ATP13A2: variants seen among roughly 807,000 people sequenced by gnomAD.
The protein encoded by ATP13A2 is ATPase cation transporting 13A2, also known as polyamine-transporting ATPase 13A2.
A neutral mutation model predicts 138.3 loss-of-function variants in ATP13A2; 83 were observed. That is an observed-to-expected ratio of 0.60 (90% confidence interval 0.50 to 0.72). The LOEUF (loss-of-function observed/expected upper bound fraction) is 0.72. Among genes scored for constraint, ATP13A2 ranks in the 30% least tolerant of loss-of-function variants. ATP13A2 has a pLI of 0.00. For missense variants in ATP13A2, 1,402 were observed against 1,606.4 expected (o/e 0.87, Z 2.17); for synonymous variants, 663 against 699.0 (o/e 0.95, Z 0.81).
intron 25 of ATP13A2, among the ~76,000 whole-genome samples, 180 bp downstream of exon 25, chr1:16,987,958 T>C (rs1446254429): frequency 2.0e-5 from 3 of 152,112 alleles, no homozygotes; most frequent in African/African-American, 7.2e-5. Context: ...GCTCCGTGCC[T>C]GGTGTTTTTC....
Position 16,990,251 on chromosome 1 carries a change from C to G in ATP13A2, c.2288G>C (p.Gly763Ala), listed in dbSNP as rs750813148. The G allele has an allele frequency of 6.2e-7, 1 of 1,614,050 alleles. No homozygotes were observed. The highest frequency in any genetic ancestry group is 1.1e-5 in the South Asian group (1 of 91,084). The change falls in exon 21 of 29, where the codon GGC becomes GCC. Residue 763 changes from glycine (G) to alanine (A), a missense_variant. Transcript: ENST00000326735. ...CTCCTGGGGGGCCACCATGCCACAG[C>G]CCCGGGCCACAGTCACCGCTGTCTG... ...NLQTAVTVAR[G>A]CGMVAPQEHL...
chr1:16,996,153 A>G lies in ATP13A2; in HGVS notation c.1365T>C (p.Asn455=), dbSNP rs17852748. 1.2e-6 allele frequency: 2 copies of G among 1,609,906 alleles called. No homozygotes were observed. The highest frequency in any genetic ancestry group is 2.7e-5 in the African/African-American group (2 of 74,858). ...FILYRNRVPL[N]EIVIRALDLV... ...GGTCGAGAGCCCGGATTACAATCTC[A>G]TTCAGAGGCACCTGGCAGGGGGCAC... The change falls in exon 15 of 29, where the codon AAT becomes AAC. Residue 455 remains asparagine, a synonymous_variant. Coordinates refer to ENST00000326735, the MANE Select transcript of ATP13A2 (RefSeq NM_022089.4).
chr1:17,011,063 G>A lies in ATP13A2; in HGVS notation c.10+666C>T, dbSNP rs1486918755. On this transcript the variant is annotated intron_variant, in intron 1 of 28. Transcript: ENST00000326735. This position sits in a 1 kb window ranked among gnomAD's most constrained non-coding sequence, Gnocchi z 7.3. ...GGCTGAGTGACAGACACTGAGATGAGACCTTTCTGGATAGGGGAGGAGGAC... is the reference window on the plus strand; with the variant it reads ...GGCTGAGTGACAGACACTGAGATGAAACCTTTCTGGATAGGGGAGGAGGAC... 6.6e-6 allele frequency among the ~76,000 whole-genome samples: 1 copy of A among 152,148 alleles called. No homozygotes were observed. The highest frequency in any genetic ancestry group is 2.4e-5 in the African/African-American group (1 of 41,430).
chr1:17,000,591 C>G (rs1426813572), intron 8 of ATP13A2, 57 bp from the exon 9 acceptor site: 1 of 1,587,730 alleles, frequency 6.3e-7, no homozygotes, highest in South Asian at 1.1e-5. Flanking sequence ...AGCCCAGCCA[C>G]AGGCTGGGTC....
Position 16,992,229 on chromosome 1 carries a change from G to A in ATP13A2, c.2005+14C>T, listed in dbSNP as rs774975355. The A allele has an allele frequency of 6.2e-7, 1 of 1,612,270 alleles. No homozygotes were observed. Among genetic ancestry groups the A allele is most frequent in the East Asian group, 2.2e-5 (1 of 44,862 alleles). The stretch of plus-strand genomic sequence containing the variant: ...AATGCCCAACCAGGGGGACTCAGGG[G>A]CTTCCCCCTGCACCTGTCTCGGGGT... On this transcript the variant is annotated intron_variant, in intron 18 of 28. Transcript: ENST00000326735.
At chr1:16,989,208 G>A (rs569759176) in intron 23 of ATP13A2, among the ~76,000 whole-genome samples, 8 of 151,704 alleles carry the variant, frequency 5.3e-5, no homozygotes, top group Non-Finnish European at 7.4e-5. Context: ...GAGCCACCGC[G>A]CCTGGCCTAT....
In ATP13A2 at chr1:17,004,924, G is replaced by A; in HGVS notation, c.347+90C>T. The A allele has an allele frequency of 6.2e-7, 1 of 1,612,072 alleles. No individual in the cohort carries two copies. The highest frequency in any genetic ancestry group is 1.1e-5 in the South Asian group (1 of 91,012). On this transcript the variant is annotated intron_variant, in intron 4 of 28. Transcript: ENST00000326735. The surrounding 1 kb of genome is among the most constrained non-coding windows in gnomAD (Gnocchi z 4.1). ...CCTCCCTAGGATGGGAGGCGCCAGA[G>A]TCAGCCTTTATGGGGGGGCCGAGGG...
In ATP13A2 at chr1:16,996,385, C is replaced by T. The variant is rs1429379858; in HGVS notation, c.1306+1G>A. 2 of 1,613,994 alleles carry T rather than the reference C, an allele frequency of 1.2e-6. No individual in the cohort carries two copies. Among genetic ancestry groups the T allele is most frequent in the Non-Finnish European group, 1.7e-6 (2 of 1,179,970 alleles). ...AGAGGAGGGTGCAGGGGGCCACTCA[C>T]CCAGGACAGAGAGGGCAGCCACAAA... On this transcript the variant is annotated splice_donor_variant, in intron 13 of 28. Coordinates refer to ENST00000326735, the MANE Select transcript of ATP13A2 (RefSeq NM_022089.4). LOFTEE classifies it high-confidence loss of function.
chr1:16,997,424 T>TGGGGGGGGGGG (rs1557697117), intron 11 of ATP13A2, among the ~76,000 whole-genome samples: 1 of 86,800 alleles, frequency 1.2e-5, no homozygotes, highest in Non-Finnish European at 2.2e-5. Flanking sequence ...CGGGGGGGGG[T>TGGGGGGGGGGG]GGGTCAGACA....
In ATP13A2 at chr1:17,004,237, TGA is replaced by T; in HGVS notation, c.557+93_557+94del. The T allele has an allele frequency of 7.6e-7, 1 of 1,312,642 alleles. No homozygotes were observed. The highest frequency in any genetic ancestry group is 1.1e-6 in the Non-Finnish European group (1 of 928,248). 81.3% of individuals were successfully genotyped at this position (1,312,642 alleles called of 1,614,324 possible). A position where few individuals can be genotyped will look rare whatever the true frequency, so the allele number is the denominator to read the frequency against. ...TTTCAGACAGCAAAAGCATCAGAGC[TGA>T]GAGGGGAGCCCAGGCCATGCCATGC... On this transcript the variant is annotated intron_variant, in intron 6 of 28. Transcript: ENST00000326735. This position sits in a 1 kb window ranked among gnomAD's most constrained non-coding sequence, Gnocchi z 4.1.
At chr1:17,006,997 T>G (rs2077584253) in intron 1 of ATP13A2, among the ~76,000 whole-genome samples, 1 of 152,206 alleles carries the variant, frequency 6.6e-6, no homozygotes, top group Middle Eastern at 3.4e-3. Context: ...TTCAAGCGAT[T>G]ATCCTGCCTC....
chr1:16,989,206 G>A (rs1216535026), intron 23 of ATP13A2, among the ~76,000 whole-genome samples: 4 of 152,044 alleles, frequency 2.6e-5, no homozygotes, highest in South Asian at 2.1e-4. Flanking sequence ...ATGAGCCACC[G>A]CGCCTGGCCT....
rs762728165 is a variant in ATP13A2, at chr1:16,997,111, T to C, written c.1104A>G (p.Thr368=). ...CGCAGAAGAGTGTGTGCCGCCGGTG[T>C]GTCTCTGCACAGTAGGGCCCCAGCC... is the stretch of plus-strand genomic sequence containing the variant. The part of the protein sequence containing the change: ...PEGLGPYCAE[T]HRRHTLFCGT... Residue 368 remains threonine (T), a synonymous_variant, in exon 12 of 29, where the codon ACA becomes ACG. Transcript: ENST00000326735. The C allele has an allele frequency of 2.9e-5, 47 of 1,613,640 alleles. No homozygotes were observed. Among genetic ancestry groups the C allele is most frequent in the Non-Finnish European group, 3.8e-5 (45 of 1,180,026 alleles).
chr1:16,989,551 G>A, intron 23 of ATP13A2, 140 bp downstream of exon 23: 1 of 800,174 alleles, frequency 1.2e-6, no homozygotes, highest in Non-Finnish European at 2.2e-6. Context: ...GGGAGAGCCT[G>A]CCTGCTTTTG....
chr1:17,010,343 G>A (rs1247028333), intron 1 of ATP13A2, among the ~76,000 whole-genome samples: 2 of 152,200 alleles, frequency 1.3e-5, no homozygotes, highest in Non-Finnish European at 2.9e-5. Flanking sequence ...CTCCCAAAGT[G>A]CTGGGATTAC....
Position 16,992,340 on chromosome 1 carries a change from G to C in ATP13A2, c.1908C>G (p.Arg636=), listed in dbSNP as rs1255645981. The change falls in exon 18 of 29, where the codon CGC becomes CGG. Residue 636 remains arginine, a synonymous_variant. Coordinates refer to ENST00000326735, the MANE Select transcript of ATP13A2 (RefSeq NM_022089.4). Reference sequence around the variant, plus strand: ...CTGGCCACGCCACCACCACACTCATGCGCTGCAGAGCCGAAGAGAAGGGGA... The same window carrying C: ...CTGGCCACGCCACCACCACACTCATCCGCTGCAGAGCCGAAGAGAAGGGGA... ...HRFPFSSALQ[R]MSVVVAWPGA... 1 of 1,612,896 alleles carries C rather than the reference G, an allele frequency of 6.2e-7. No individual in the cohort carries two copies. The highest frequency in any genetic ancestry group is 8.5e-7 in the Non-Finnish European group (1 of 1,179,808).
At chr1:17,010,089 C>A (rs147196849) in intron 1 of ATP13A2, among the ~76,000 whole-genome samples, 7 of 148,880 alleles carry the variant, frequency 4.7e-5, no homozygotes, top group Non-Finnish European at 7.4e-5. Flanking sequence ...GTCTTCCCCC[C>A]CCGTTCCCCC....
chr1:17,001,294 G>A (rs1425992748), intron 8 of ATP13A2, among the ~76,000 whole-genome samples: 3 of 151,438 alleles, frequency 2.0e-5, no homozygotes, highest in Admixed American at 6.6e-5. Flanking sequence ...TGGGCGTGGT[G>A]GCAGGCGCCT....
In ATP13A2 at chr1:16,986,317, G is replaced by C. The variant is rs1045791599; in HGVS notation, c.3447C>G (p.Leu1149=). The C allele has an allele frequency of 6.3e-7, 1 of 1,589,520 alleles. No homozygotes were observed. Among genetic ancestry groups the C allele is most frequent in the African/African-American group, 1.3e-5 (1 of 74,548 alleles). The part of the protein sequence containing the change: ...DQCLPACLRR[L]RPKRASKKRF... Reference sequence around the variant, plus strand: ...GCTTCTTGGAGGCCCGCTTGGGCCGGAGGCGGCGCAGGCAGGCGGGGAGGC... The same window carrying C: ...GCTTCTTGGAGGCCCGCTTGGGCCGCAGGCGGCGCAGGCAGGCGGGGAGGC... The change falls in exon 29 of 29, where the codon CTC becomes CTG. Residue 1149 remains leucine, a synonymous_variant. Transcript: ENST00000326735. The surrounding 1 kb of genome is among the most constrained non-coding windows in gnomAD (Gnocchi z 6.9).
Sources: allele counts gnomAD v4.1 joint callset (sites outside exome capture counted in the v4.1 genomes callset), GRCh38; gene constraint gnomAD v4.1.1; non-coding constraint Gnocchi (gnomAD v3.1); transcripts MANE v1.5; gene names NCBI Gene and HGNC (gene_info 2026-07-23, HGNC 2026-07-21).